The following VWA8 variants were observed in gnomAD, a reference collection of about 807,000 sequenced individuals.
VWA8 encodes von Willebrand factor A domain-containing protein 8.
VWA8 carries 221 observed loss-of-function variants against 241.5 expected under a neutral mutation model. That is an observed-to-expected ratio of 0.91 (90% CI 0.82 to 1.02). The LOEUF (loss-of-function observed/expected upper bound fraction) is 1.02, where lower values mean the gene tolerates loss of function less well. VWA8 is among the 50% of genes least tolerant of loss of function. The pLI is 0.00. For missense variants in VWA8, 2,322 were observed against 2,328.7 expected (o/e 1.00, Z 0.06); for synonymous variants, 852 against 827.1 (o/e 1.03, Z -0.52).
Position 41,611,640 on chromosome 13 carries a change from C to G in VWA8, c.4813G>C (p.Asp1605His), listed in dbSNP as rs759779447. The stretch of plus-strand genomic sequence containing the variant: ...CTCTTGACCTCTTCGGGAACTGCAT[C>G]TTTCTCAGCCTGAGAGACCTGGTAC... ...TVYQVSQAEKDAVPEEVKRAA... is the reference protein window; with the variant it reads ...TVYQVSQAEKHAVPEEVKRAA... The change falls in exon 39 of 45, where the codon GAT becomes CAT. Residue 1605 changes from aspartate (D) to histidine (H), a missense_variant. Transcript: ENST00000379310. The G allele has an allele frequency of 6.2e-7, 1 of 1,614,116 alleles. No individual in the cohort carries two copies. Among genetic ancestry groups the G allele is most frequent in the Admixed American group, 1.7e-5 (1 of 60,024 alleles).
At chr13:41,897,665 G>C (rs574705926) in intron 4 of VWA8, among the ~76,000 whole-genome samples, 6 of 152,264 alleles carry the variant, frequency 3.9e-5, no homozygotes, top group African/African-American at 1.4e-4. Flanking sequence ...CTGCGCGTCT[G>C]GAGTTGTTTG....
At chr13:41,865,282 C>T (rs1054285983) in intron 12 of VWA8, 1 of 381,408 alleles carries the variant, frequency 2.6e-6, no homozygotes, top group South Asian at 1.9e-5. Flanking sequence ...ATTAAGGTGT[C>T]AATTACCTTA....
At chr13:41,842,964 T>C (rs1022627793) in intron 12 of VWA8, among the ~76,000 whole-genome samples, 18 of 152,222 alleles carry the variant, frequency 1.2e-4, no homozygotes, top group African/African-American at 4.3e-4. Context: ...GGTACTACCA[T>C]TCCTTACTGG....
intron 2 of VWA8, among the ~76,000 whole-genome samples, chr13:41,925,099 G>A (rs1876769325): frequency 6.6e-6 from 1 of 151,966 alleles, no homozygotes; most frequent in Non-Finnish European, 1.5e-5. Flanking sequence ...GGAGAGAATG[G>A]AATAATATAT....
chr13:41,886,686 G>C, intron 7 of VWA8, 95 bp downstream of exon 7: 1 of 1,031,502 alleles, frequency 9.7e-7, no homozygotes. Flanking sequence ...AAGAATTCTA[G>C]TTGTTGAATG....
intron 5 of VWA8, 141 bp from the exon 6 acceptor site, chr13:41,887,502 G>T (rs1593846530): frequency 1.1e-6 from 1 of 924,558 alleles, no homozygotes; most frequent in South Asian, 2.2e-5. Flanking sequence ...TGTCAAGGAA[G>T]GCAGCAAAGT....
intron 37 of VWA8, among the ~76,000 whole-genome samples, chr13:41,627,217 A>G (rs1246467336): frequency 6.6e-6 from 1 of 152,216 alleles, no homozygotes; most frequent in African/African-American, 2.4e-5. Flanking sequence ...ATGAGATAAC[A>G]TCTCACACCA....
intron 9 of VWA8, among the ~76,000 whole-genome samples, chr13:41,881,988 G>A (rs921828628): frequency 1.3e-5 from 2 of 151,406 alleles, no homozygotes; most frequent in Non-Finnish European, 2.9e-5. Context: ...CCGGGACGGA[G>A]GGGCTCCTCA....
At position 41,772,315 on chromosome 13, in the gene VWA8, A is replaced by G. The variant is rs1026793567; in HGVS notation, c.2349+5670T>C. On this transcript the variant is annotated intron_variant, in intron 20 of 44. Transcript: ENST00000379310. Reference sequence around the variant, plus strand: ...TGACACTATACATCAAAAGAAAACCAGGTCTGGGAAGGTGGGGAAGGCAGG... The same window carrying G: ...TGACACTATACATCAAAAGAAAACCGGGTCTGGGAAGGTGGGGAAGGCAGG... 7.2e-5 allele frequency among the ~76,000 whole-genome samples: 11 copies of G among 152,178 alleles called. 1 individual carries two copies. The highest frequency in any genetic ancestry group is 2.1e-4 in the South Asian group (1 of 4,824).
At position 41,912,158 on chromosome 13, in the gene VWA8, A is replaced by G; in HGVS notation, c.252T>C (p.Ser84=). The G allele has an allele frequency of 6.3e-7, 1 of 1,598,834 alleles. No homozygotes were observed. The highest frequency in any genetic ancestry group is 8.5e-7 in the Non-Finnish European group (1 of 1,171,788). ...GATGCTGAACTACAGATTGAGCCAG[A>G]GAGTCTGAAACTATAAAGAAAAAAG... ...ELVPQNYISD[S]LAQSVVQHLR... The change falls in exon 3 of 45, where the codon TCT becomes TCC. Residue 84 remains serine, a synonymous_variant. Coordinates refer to ENST00000379310, the MANE Select transcript of VWA8 (RefSeq NM_015058.2).
intron 14 of VWA8, among the ~76,000 whole-genome samples, chr13:41,828,441 A>G (rs1274259564): frequency 6.6e-6 from 1 of 152,230 alleles, no homozygotes; most frequent in Non-Finnish European, 1.5e-5. Flanking sequence ...AAGATAGAAA[A>G]TAACATATTT....
chr13:41,651,173 AAAGCAATGGGG>A (rs1427994769), intron 37 of VWA8, among the ~76,000 whole-genome samples: 1 of 152,180 alleles, frequency 6.6e-6, no homozygotes, highest in East Asian at 1.9e-4. Flanking sequence ...AACAAAAAAA[AAAGCAATGGGG>A]AAAGGATTGA....
intron 2 of VWA8, among the ~76,000 whole-genome samples, chr13:41,943,436 A>AG (rs1329996083): frequency 6.6e-6 from 1 of 152,222 alleles, no homozygotes; most frequent in Non-Finnish European, 1.5e-5. Flanking sequence ...TAAAATTCTT[A>AG]GGAAAAAAAC....
chr13:41,571,924 C>T (rs887346612), intron 43 of VWA8, among the ~76,000 whole-genome samples: 2 of 151,842 alleles, frequency 1.3e-5, no homozygotes, highest in African/African-American at 4.8e-5. Context: ...CCCGGCCGCC[C>T]ATCGTCTGAG....
chr13:41,951,321 G>A (rs536047262), intron 1 of VWA8, among the ~76,000 whole-genome samples: 1 of 152,268 alleles, frequency 6.6e-6, no homozygotes, highest in Admixed American at 6.5e-5. Context: ...GGAGGCTGAG[G>A]CAGGAGAATC....
At position 41,591,437 on chromosome 13, in the gene VWA8, C is replaced by T. The variant is rs78569116; in HGVS notation, c.4987-672G>A. Among the ~76,000 whole-genome samples, 1,123 of 152,236 alleles carry T rather than the reference C, an allele frequency of 7.4e-3. 12 individuals are homozygous for T. The highest frequency in any genetic ancestry group is 0.024 in the African/African-American group (986 of 41,536). ...CAAGGCATATGCTTATTACAGCCAA[C>T]TACTATATTTACATTAATGAGTGGG... On this transcript the variant is annotated intron_variant, in intron 40 of 44. Transcript: ENST00000379310.
chr13:41,594,366 G>A (rs1273654810), intron 40 of VWA8, among the ~76,000 whole-genome samples: 1 of 151,996 alleles, frequency 6.6e-6, no homozygotes, highest in Non-Finnish European at 1.5e-5. Context: ...CTGGCCTCAG[G>A]TGATCCTCCC....
At chr13:41,872,871 G>A (rs1412424255) in intron 9 of VWA8, among the ~76,000 whole-genome samples, 3 of 151,988 alleles carry the variant, frequency 2.0e-5, no homozygotes, top group Non-Finnish European at 4.4e-5. Flanking sequence ...GATGGGGATG[G>A]CATTGAATCT....
intron 42 of VWA8, among the ~76,000 whole-genome samples, chr13:41,583,818 G>A (rs2044400180): frequency 6.6e-6 from 1 of 152,052 alleles, no homozygotes; most frequent in East Asian, 1.9e-4. Flanking sequence ...GATCCTAGGT[G>A]GACAGCAGGG....
Sources: gnomAD v4.1 joint callset for allele counts (sites outside exome capture counted in the v4.1 genomes callset) on GRCh38, gnomAD v4.1.1 for gene constraint, MANE v1.5 for transcripts, NCBI Gene and HGNC (gene_info 2026-07-23, HGNC 2026-07-21) for gene names.